MRPS22: variants seen among roughly 807,000 people sequenced by gnomAD.
MRPS22 encodes mitochondrial ribosomal protein S22.
In MRPS22, 30 loss-of-function variants were observed where a neutral mutation model predicts 44.0. The observed-to-expected ratio is 0.68, with a 90% CI of 0.51 to 0.93. MRPS22 has a LOEUF of 0.93. Among genes scored for constraint, MRPS22 ranks in the 40% least tolerant of loss-of-function variants. The probability of loss-of-function intolerance (pLI) is 0.00; values close to 1 mark genes in which losing one functional copy is unlikely to be tolerated. For missense variants in MRPS22, 447 were observed against 447.8 expected, an observed-to-expected ratio of 1.00 and a Z score of 0.02; for synonymous variants, 165 against 154.4, an observed-to-expected ratio of 1.07 and a Z score of -0.51.
chr3:139,348,538 A>G lies in MRPS22; in HGVS notation c.504+214A>G, dbSNP rs149709950. 3.7e-4 allele frequency: 210 copies of G among 564,160 alleles called. 2 individuals carry two copies. In the East Asian group the frequency reaches 6.4e-3, roughly 17 times the overall value. The allele number at this position is 564,160 out of a possible 1,614,324, so 34.9% of individuals were successfully genotyped here. On this transcript the variant is annotated intron_variant, in intron 3 of 7. Coordinates refer to ENST00000680020, the MANE Select transcript of MRPS22 (RefSeq NM_020191.4). ...CCATTTCTCAGCAGATAATAGGCACAGTATTTTCCAGATTCCAGATGTGCT... is the reference window on the plus strand; with the variant it reads ...CCATTTCTCAGCAGATAATAGGCACGGTATTTTCCAGATTCCAGATGTGCT...
At chr3:139,354,114 G>C (rs1325785235) in intron 6 of MRPS22, among the ~76,000 whole-genome samples, 1 of 152,148 alleles carries the variant, frequency 6.6e-6, no homozygotes, top group African/African-American at 2.4e-5. Flanking sequence ...TGGTCATTCT[G>C]AACAGAAGAG....
intron 5 of MRPS22, 82 bp downstream of exon 5, chr3:139,351,142 G>C (rs753267363): frequency 2.7e-6 from 3 of 1,091,772 alleles, no homozygotes; most frequent in Non-Finnish European, 4.2e-6. Context: ...GAATTTCGTT[G>C]TAAGTTTTGA....
chr3:139,344,035 C>A lies in MRPS22; in HGVS notation c.9C>A (p.Pro3=). 6.2e-7 allele frequency: 1 copy of A among 1,614,180 alleles called. No individual in the cohort carries two copies. ...AGTGGCTTCTGATAATCATGGCGCC[C>A]CTCGGAACAACTGTATTGCTGTGGA... MA[P]LGTTVLLWSL... is the part of the protein sequence containing the mutation. The change falls in exon 1 of 8, where the codon CCC becomes CCA. Residue 3 remains proline, a synonymous_variant. Coordinates refer to ENST00000680020, the MANE Select transcript of MRPS22 (RefSeq NM_020191.4).
At chr3:139,350,928 C>G (rs1445805993) in intron 4 of MRPS22, 49 bp from the exon 5 acceptor site, 1 of 1,489,178 alleles carries the variant, frequency 6.7e-7, no homozygotes, top group Non-Finnish European at 9.4e-7. Context: ...AGGACAGGTG[C>G]TGAACTTCAG....
chr3:139,350,361 G>A (rs754896589), intron 4 of MRPS22, 39 bp downstream of exon 4: 5 of 1,609,082 alleles, frequency 3.1e-6, no homozygotes, highest in Admixed American at 1.7e-5. Flanking sequence ...AGCCAGTGGT[G>A]ATGATTTATT....
intron 5 of MRPS22, 96 bp downstream of exon 5, chr3:139,351,156 A>C (rs968665641): frequency 1.1e-6 from 1 of 904,122 alleles, no homozygotes. Context: ...GTTTTGATAC[A>C]GGGGAAAGGG....
chr3:139,352,776 CAGATTCAGAG>C lies in MRPS22; in HGVS notation c.868_877del (p.Gln290Ter). 6.2e-7 allele frequency: 1 copy of C among 1,613,304 alleles called. No individual in the cohort carries two copies. The highest frequency in any genetic ancestry group is 2.2e-5 in the East Asian group (1 of 44,832). ...AAAGATTGATGGTTTGCTGATTGAC[CAGATTCAGAG>C]AGATTTGTAAGTATGATCTTAGTAA... On this transcript the variant is annotated frameshift_variant, in exon 6 of 8. Transcript: ENST00000680020. LOFTEE classifies it high-confidence loss of function.
chr3:139,354,248 TATTGAG>T (rs1941204094), intron 6 of MRPS22, among the ~76,000 whole-genome samples: 2 of 152,244 alleles, frequency 1.3e-5, no homozygotes, highest in Admixed American at 1.3e-4. Context: ...TTGGTTTTTA[TATTGAG>T]ATTATTTTAA....
In MRPS22 at chr3:139,348,328, A is replaced by G. The variant is rs1941086027; in HGVS notation, c.504+4A>G. The G allele has an allele frequency of 1.2e-6, 2 of 1,613,512 alleles. No individual in the cohort carries two copies. Among genetic ancestry groups the G allele is most frequent in the East Asian group, 2.2e-5 (1 of 44,868 alleles). ...ATCATATAGCATACCACACCGGGTG[A>G]GTATATGTCTAATCGCAAAATGATC... On this transcript the variant is annotated splice_donor_region_variant and intron_variant, in intron 3 of 7. Transcript: ENST00000680020.
Position 139,344,140 on chromosome 3 carries a change from A to G in MRPS22, c.114A>G (p.Gln38=), listed in dbSNP as rs1940989422. The part of the protein sequence containing the change: ...RIQPWHGGLL[Q]PLPCSFEMGL... Reference sequence around the variant, plus strand: ...AGCCCTGGCACGGTGGCCTGCTCCAACCGCTACCTTGCTCTTTCGAGATGG... The same window carrying G: ...AGCCCTGGCACGGTGGCCTGCTCCAGCCGCTACCTTGCTCTTTCGAGATGG... Residue 38 remains glutamine (Q), a synonymous_variant, in exon 1 of 8, where the codon CAA becomes CAG. Transcript: ENST00000680020. The G allele has an allele frequency of 2.5e-6, 4 of 1,613,600 alleles. No homozygotes were observed. The highest frequency in any genetic ancestry group is 1.1e-5 in the South Asian group (1 of 90,974).
rs1387496300 is a variant in MRPS22, at chr3:139,357,081, A to ATGTT, written c.*68_*71dup. The stretch of plus-strand genomic sequence containing the variant: ...CATTTCTCTGTTAATATTGAGCTAA[A>ATGTT]TGTTAAAAAATGGCCAGATTAAAAG... On this transcript the variant is annotated 3_prime_UTR_variant, in exon 8 of 8. Transcript: ENST00000680020. 7.8e-6 allele frequency: 10 copies of ATGTT among 1,286,158 alleles called. No individual in the cohort carries two copies. The Admixed American group carries it at 1.9e-4, about 24-fold the overall frequency. The allele number at this position is 1,286,158 out of a possible 1,614,324, so 79.7% of individuals were successfully genotyped here.
At position 139,355,699 on chromosome 3, in the gene MRPS22, A is replaced by G. The variant is rs750498687; in HGVS notation, c.896A>G (p.Asn299Ser). ...ATTCTCAGAATCGATGATGCAACCAACTTGGTCCAGCTGTATCACGTGCTC... is the reference window on the plus strand; with the variant it reads ...ATTCTCAGAATCGATGATGCAACCAGCTTGGTCCAGCTGTATCACGTGCTC... ...IQRDLIDDATNLVQLYHVLHP... is the reference protein window; with the variant it reads ...IQRDLIDDATSLVQLYHVLHP... Residue 299 changes from asparagine to serine, a missense_variant, in exon 7 of 8, where the codon AAC (asparagine) becomes AGC (serine). By Grantham distance (46) the Asn-to-Ser change is conservative. Transcript: ENST00000680020. 13 of 1,613,964 alleles carry G rather than the reference A, an allele frequency of 8.1e-6. No homozygotes were observed. The highest frequency in any genetic ancestry group is 5.0e-5 in the Admixed American group (3 of 60,010).
chr3:139,352,503 C>A, intron 5 of MRPS22, 144 bp from the exon 6 acceptor site: 1 of 695,516 alleles, frequency 1.4e-6, no homozygotes, highest in Admixed American at 2.1e-5. Flanking sequence ...TTAAATCATA[C>A]CAATTGGTTA....
intron 2 of MRPS22, among the ~76,000 whole-genome samples, chr3:139,347,561 A>G (rs1443566193): frequency 6.6e-6 from 1 of 152,220 alleles, no homozygotes; most frequent in East Asian, 1.9e-4. Context: ...ATCTCTCTCC[A>G]GTAGTAGATT....
In MRPS22 at chr3:139,352,771, T is replaced by C. The variant is rs1484714766; in HGVS notation, c.857T>C (p.Ile286Thr). The change falls in exon 6 of 8, where the codon ATT becomes ACT. Residue 286 changes from isoleucine (I) to threonine (T), a missense_variant. Transcript: ENST00000680020. ...AATAAAAAGATTGATGGTTTGCTGA[T>C]TGACCAGATTCAGAGAGATTTGTAA... is the stretch of plus-strand genomic sequence containing the variant. ...VNNKKIDGLLIDQIQRDLIDD... is the reference protein window; with the variant it reads ...VNNKKIDGLLTDQIQRDLIDD... The C allele has an allele frequency of 1.9e-6, 3 of 1,613,654 alleles. No homozygotes were observed. The highest frequency in any genetic ancestry group is 4.5e-5 in the East Asian group (2 of 44,840).
chr3:139,348,961 T>C (rs1941095492), intron 3 of MRPS22: 1 of 175,186 alleles, frequency 5.7e-6, no homozygotes, highest in African/African-American at 2.4e-5. Flanking sequence ...AAAAAGAGAA[T>C]AGTTTACAAT....
intron 5 of MRPS22, chr3:139,351,980 T>C (rs1418120339): frequency 1.3e-5 from 2 of 152,980 alleles, no homozygotes; most frequent in Non-Finnish European, 2.9e-5. Flanking sequence ...GAAGGACCTT[T>C]AGTTAATAAG....
intron 6 of MRPS22, among the ~76,000 whole-genome samples, chr3:139,355,057 A>AAG (rs1560008903): frequency 2.0e-5 from 3 of 152,210 alleles, no homozygotes; most frequent in Non-Finnish European, 4.4e-5. Context: ...TGCTGAAGTT[A>AAG]AGACAGATTG....
At chr3:139,355,574 T>G (rs1234884109) in intron 6 of MRPS22, 108 bp from the exon 7 acceptor site, 2 of 924,250 alleles carry the variant, frequency 2.2e-6, no homozygotes, top group Non-Finnish European at 3.5e-6. Flanking sequence ...CCCTCCAGCC[T>G]GAGGAAAGTC....
Sources: allele counts gnomAD v4.1 joint callset (sites outside exome capture counted in the v4.1 genomes callset), GRCh38; gene constraint gnomAD v4.1.1; transcripts MANE v1.5; gene names NCBI Gene and HGNC (gene_info 2026-07-23, HGNC 2026-07-21).